The following LPAR1 variants were observed in gnomAD, a reference collection of about 807,000 sequenced individuals.
LPAR1 encodes the protein LPA receptor 1.
In LPAR1, 5 loss-of-function variants were observed where a neutral mutation model predicts 23.8. The observed-to-expected ratio is 0.21, with a 90% CI of 0.11 to 0.44. The LOEUF (loss-of-function observed/expected upper bound fraction) is 0.44, where lower values mean the gene tolerates loss of function less well. Among genes scored for constraint, LPAR1 ranks in the 20% least tolerant of loss-of-function variants. LPAR1 has a pLI of 0.99. For synonymous variants in LPAR1, 160 were observed against 164.7 expected (o/e 0.97, Z 0.22); for missense variants, 311 against 482.8 (o/e 0.64, Z 3.33).
chr9:110,951,807 T>C (rs2095578672), intron 4 of LPAR1, among the ~76,000 whole-genome samples: 1 of 152,070 alleles, frequency 6.6e-6, no homozygotes, highest in African/African-American at 2.4e-5. Context: ...GAGAGACACA[T>C]GAATTCCAAT....
rs570597658 is a variant in LPAR1, at chr9:110,976,372, G to A, written c.-181-2814C>T. Among the ~76,000 whole-genome samples the A allele has an allele frequency of 2.6e-4, 39 of 151,942 alleles. No individual in the cohort carries two copies. In the South Asian group the frequency reaches 7.5e-3, roughly 29 times the overall value. ...AAAAAAAAATTTAGCCAGGCGTGGC[G>A]GCAGGCGCCTGTAATCCCAGCTACT... is the stretch of plus-strand genomic sequence containing the variant. On this transcript the variant is annotated intron_variant, in intron 2 of 5. Transcript: ENST00000683809.
intron 2 of LPAR1, among the ~76,000 whole-genome samples, chr9:111,002,194 A>G (rs766629692): frequency 2.0e-5 from 3 of 152,190 alleles, no homozygotes; most frequent in Non-Finnish European, 2.9e-5. Flanking sequence ...TCAGCTGATT[A>G]ATAACAACTA....
chr9:110,969,380 G>C (rs1224132363), intron 4 of LPAR1, among the ~76,000 whole-genome samples: 1 of 151,956 alleles, frequency 6.6e-6, no homozygotes, highest in Non-Finnish European at 1.5e-5. Context: ...CGATATCTTG[G>C]AGTAATATAT....
At chr9:110,918,078 TTTTG>T (rs371432904) in intron 5 of LPAR1, among the ~76,000 whole-genome samples, 33 of 151,948 alleles carry the variant, frequency 2.2e-4, no homozygotes, top group African/African-American at 6.3e-4. Flanking sequence ...AACTTTTGTT[TTTTG>T]TTTGTTTGTT....
chr9:110,984,949 C>T (rs958467238), intron 2 of LPAR1, among the ~76,000 whole-genome samples: 3 of 151,900 alleles, frequency 2.0e-5, no homozygotes, highest in African/African-American at 7.3e-5. Flanking sequence ...TTGATAAAAT[C>T]AGAATTTCCG....
intron 2 of LPAR1, among the ~76,000 whole-genome samples, chr9:110,985,685 G>C (rs1442609370): frequency 6.6e-6 from 1 of 152,076 alleles, no homozygotes; most frequent in Non-Finnish European, 1.5e-5. Context: ...GGTCCTGATG[G>C]AGAGGAATGC....
chr9:110,959,665 A>C (rs1320331290), intron 4 of LPAR1, among the ~76,000 whole-genome samples: 5 of 152,090 alleles, frequency 3.3e-5, no homozygotes, highest in Non-Finnish European at 7.4e-5. Context: ...GAGGAAAAAG[A>C]TATCAGTATA....
intron 4 of LPAR1, among the ~76,000 whole-genome samples, chr9:110,964,671 CAA>C (rs200048555): frequency 1.0e-3 from 2 of 1,914 alleles, no homozygotes; most frequent in Non-Finnish European, 2.6e-3. Flanking sequence ...CTTTCAGCCT[CAA>C]AAAAAAAACC....
At chr9:110,962,205 A>G (rs2096021075) in intron 4 of LPAR1, among the ~76,000 whole-genome samples, 1 of 152,126 alleles carries the variant, frequency 6.6e-6, no homozygotes, top group Admixed American at 6.6e-5. Context: ...TGACCATGAC[A>G]GCTCATTCCT....
chr9:110,954,484 A>T (rs2095669609), intron 4 of LPAR1, among the ~76,000 whole-genome samples: 1 of 145,228 alleles, frequency 6.9e-6, no homozygotes, highest in Admixed American at 7.0e-5. Flanking sequence ...ATCCCCAAAC[A>T]GATACAACCC....
intron 2 of LPAR1, among the ~76,000 whole-genome samples, chr9:111,014,696 G>A (rs73541460): frequency 0.01 from 1,539 of 152,148 alleles, 19 homozygotes; most frequent in African/African-American, 0.032. Context: ...TACTGGTGAA[G>A]ACAATTTTTA....
intron 2 of LPAR1, among the ~76,000 whole-genome samples, chr9:111,018,965 AAC>A (rs1163629956): frequency 6.6e-6 from 1 of 152,230 alleles, no homozygotes; most frequent in Non-Finnish European, 1.5e-5. Context: ...CGCCTTATAT[AAC>A]AGTGTGTTAA....
At chr9:111,000,232 C>T (rs780114090) in intron 2 of LPAR1, among the ~76,000 whole-genome samples, 4 of 152,152 alleles carry the variant, frequency 2.6e-5, no homozygotes, top group Non-Finnish European at 5.9e-5. Flanking sequence ...GCACAATAAA[C>T]AATCTACTGG....
chr9:110,936,863 C>T (rs1174474488), intron 5 of LPAR1, among the ~76,000 whole-genome samples: 2 of 152,126 alleles, frequency 1.3e-5, no homozygotes, highest in Non-Finnish European at 2.9e-5. Context: ...ACAAAGAATA[C>T]AGCCAAAAAG....
rs1224900947 is a variant in LPAR1, at chr9:110,874,559, C to A, written c.*862G>T. ...TGAGTATATTATTTTACAAAGACTACGAAAATTTTCCTCTGATATACTGGT... is the reference window on the plus strand; with the variant it reads ...TGAGTATATTATTTTACAAAGACTAAGAAAATTTTCCTCTGATATACTGGT... On this transcript the variant is annotated 3_prime_UTR_variant, in exon 6 of 6. Coordinates refer to ENST00000683809, the MANE Select transcript of LPAR1 (RefSeq NM_001351411.2). 3 of 152,422 alleles carry A rather than the reference C, an allele frequency of 2.0e-5. No individual in the cohort carries two copies. Among genetic ancestry groups the A allele is most frequent in the Non-Finnish European group, 4.4e-5 (3 of 67,986 alleles). 9.4% of individuals were successfully genotyped at this position (152,422 alleles called of 1,614,324 possible).
chr9:110,879,311 G>T (rs1055704127), intron 5 of LPAR1, among the ~76,000 whole-genome samples: 3 of 151,226 alleles, frequency 2.0e-5, no homozygotes, highest in Non-Finnish European at 4.4e-5. Flanking sequence ...CCAGCTACTT[G>T]GGAGGCTGAG....
At chr9:110,977,530 C>T (rs964192402) in intron 2 of LPAR1, among the ~76,000 whole-genome samples, 1 of 152,166 alleles carries the variant, frequency 6.6e-6, no homozygotes, top group Non-Finnish European at 1.5e-5. Flanking sequence ...CCAGGCCTCA[C>T]AGGAATATGA....
chr9:110,957,724 A>C (rs1482087914), intron 4 of LPAR1, among the ~76,000 whole-genome samples: 2 of 152,222 alleles, frequency 1.3e-5, no homozygotes, highest in Non-Finnish European at 2.9e-5. Flanking sequence ...TAATACTAGA[A>C]GTTCCAGCCA....
At chr9:111,002,771 G>A (rs2097151674) in intron 2 of LPAR1, among the ~76,000 whole-genome samples, 1 of 152,172 alleles carries the variant, frequency 6.6e-6, no homozygotes, top group African/African-American at 2.4e-5. Flanking sequence ...CAGTAAAAGA[G>A]GAATGCAAGA....
Sources: gnomAD v4.1 joint callset for allele counts (sites outside exome capture counted in the v4.1 genomes callset) on GRCh38, gnomAD v4.1.1 for gene constraint, MANE v1.5 for transcripts, NCBI Gene and HGNC (gene_info 2026-07-23, HGNC 2026-07-21) for gene names.